NRXN3: variants seen among roughly 807,000 people sequenced by gnomAD.
NRXN3 encodes neurexin 3.
Under a neutral mutation model 137.6 loss-of-function variants are expected in NRXN3, and 32 were observed. That is an observed-to-expected ratio of 0.23 (90% CI 0.18 to 0.31). The LOEUF (loss-of-function observed/expected upper bound fraction) is 0.31. Among genes scored for constraint, NRXN3 ranks in the 10% least tolerant of loss-of-function variants. NRXN3 has a pLI of 1.00. For missense variants in NRXN3, 1,574 were observed against 2,062.5 expected, an observed-to-expected ratio of 0.76 and a Z score of 4.59; for synonymous variants, 798 against 784.5, an observed-to-expected ratio of 1.02 and a Z score of -0.29.
At chr14:78,250,252 A>G (rs2068399886) in intron 2 of NRXN3, 2 of 349,770 alleles carry the variant, frequency 5.7e-6, no homozygotes, top group South Asian at 4.4e-5. Context: ...AATCATAAAA[A>G]ATCGTACATC....
chr14:79,627,890 A>G (rs2098299431), intron 16 of NRXN3, among the ~76,000 whole-genome samples: 1 of 152,216 alleles, frequency 6.6e-6, no homozygotes, highest in South Asian at 2.1e-4. Flanking sequence ...AATTTTCAAT[A>G]CAAATAGTGT....
intron 8 of NRXN3, among the ~76,000 whole-genome samples, chr14:78,775,406 G>A (rs571354471): frequency 2.3e-3 from 352 of 152,310 alleles, no homozygotes; most frequent in Non-Finnish European, 4.1e-3. Flanking sequence ...TGTGGCCCAG[G>A]ATGGCTTTGA....
At chr14:79,597,903 C>A (rs752794093) in intron 16 of NRXN3, among the ~76,000 whole-genome samples, 32 of 152,122 alleles carry the variant, frequency 2.1e-4, no homozygotes, top group Non-Finnish European at 3.7e-4. Flanking sequence ...GCAGATTAAC[C>A]TCAAGGCATA....
rs765009735 is a variant in NRXN3, at chr14:79,866,676, C to A, written c.*4712C>A. On this transcript the variant is annotated 3_prime_UTR_variant, in exon 21 of 21. Transcript: ENST00000335750. ...AGGTCAAGGGCTGCTTTGTCGAGTA[C>A]AAAGGACTCGAGCATATTTGAAATG... is the stretch of plus-strand genomic sequence containing the variant. 1.3e-5 allele frequency: 2 copies of A among 152,106 alleles called. No homozygotes were observed. Among genetic ancestry groups the A allele is most frequent in the African/African-American group, 4.8e-5 (2 of 41,424 alleles). The allele number at this position is 152,106 out of a possible 1,614,324, so 9.4% of individuals were successfully genotyped here.
At chr14:78,607,857 G>C (rs1009016639) in intron 4 of NRXN3, among the ~76,000 whole-genome samples, 5 of 151,918 alleles carry the variant, frequency 3.3e-5, no homozygotes, top group Non-Finnish European at 7.4e-5. Flanking sequence ...GACATTTTTT[G>C]GCCTAGGCTT....
At chr14:78,339,166 G>C (rs539193209) in intron 4 of NRXN3, among the ~76,000 whole-genome samples, 82 of 152,184 alleles carry the variant, frequency 5.4e-4, no homozygotes, top group Non-Finnish European at 9.6e-4. Flanking sequence ...GAAGCTGAAG[G>C]AAAGAGGTAA....
At chr14:79,066,663 C>A (rs1026246611) in intron 15 of NRXN3, among the ~76,000 whole-genome samples, 1 of 151,956 alleles carries the variant, frequency 6.6e-6, no homozygotes, top group Non-Finnish European at 1.5e-5. Flanking sequence ...TGTAATTCTC[C>A]TTAAAGAGTT....
At chr14:78,213,655 A>G (rs2062965645) in intron 1 of NRXN3, among the ~76,000 whole-genome samples, 2 of 152,006 alleles carry the variant, frequency 1.3e-5, no homozygotes, top group African/African-American at 4.8e-5. Flanking sequence ...CCGCAATGTG[A>G]ATGCAGTGAT....
chr14:79,554,939 T>G lies in NRXN3; in HGVS notation c.3444+87537T>G, dbSNP rs546568537. Among the ~76,000 whole-genome samples, 6 of 152,278 alleles carry G rather than the reference T, an allele frequency of 3.9e-5. No individual in the cohort carries two copies. In the East Asian group the frequency reaches 1.2e-3, roughly 29 times the overall value. On this transcript the variant is annotated intron_variant, in intron 16 of 20. Transcript: ENST00000335750. ...AGGGAGTTCATTTGATGTAGTTTGG[T>G]TGATTCCCATGCATGTGGAATAGCT...
chr14:78,553,551 C>T (rs545717275), intron 4 of NRXN3, among the ~76,000 whole-genome samples: 1 of 152,316 alleles, frequency 6.6e-6, no homozygotes, highest in East Asian at 1.9e-4. Flanking sequence ...GAAAAGGCTT[C>T]TATCAGCAAG....
intron 4 of NRXN3, among the ~76,000 whole-genome samples, chr14:78,535,193 A>G (rs1461278492): frequency 6.6e-6 from 1 of 151,436 alleles, no homozygotes; most frequent in Non-Finnish European, 1.5e-5. Flanking sequence ...CTGACAACTG[A>G]GCTGCCCTGC....
chr14:79,252,507 C>T (rs1353741872), intron 15 of NRXN3, among the ~76,000 whole-genome samples: 1 of 146,936 alleles, frequency 6.8e-6, no homozygotes, highest in Admixed American at 6.8e-5. Context: ...GTCCATTTTG[C>T]ATATATGGCT....
At chr14:78,551,039 A>G (rs557794156) in intron 4 of NRXN3, among the ~76,000 whole-genome samples, 1 of 152,304 alleles carries the variant, frequency 6.6e-6, no homozygotes, top group African/African-American at 2.4e-5. Context: ...TCCATATGAT[A>G]AGGGATACAA....
At chr14:79,294,715 G>T (rs930845591) in intron 15 of NRXN3, among the ~76,000 whole-genome samples, 3 of 152,120 alleles carry the variant, frequency 2.0e-5, no homozygotes, top group Non-Finnish European at 2.9e-5. Context: ...CAGCAGAGAG[G>T]AGTGTTTGCA....
intron 20 of NRXN3, among the ~76,000 whole-genome samples, chr14:79,854,966 C>G (rs1325297932): frequency 6.6e-6 from 1 of 152,120 alleles, no homozygotes; most frequent in African/African-American, 2.4e-5. Context: ...GTGTATGGAA[C>G]TAACAACTGG....
intron 15 of NRXN3, among the ~76,000 whole-genome samples, chr14:79,361,842 A>C (rs186604830): frequency 7.9e-5 from 12 of 152,272 alleles, no homozygotes; most frequent in African/African-American, 2.9e-4. Flanking sequence ...TATCAAGAAT[A>C]CAGGAGAATG....
chr14:79,261,518 G>C (rs2077572946), intron 15 of NRXN3, among the ~76,000 whole-genome samples: 1 of 151,764 alleles, frequency 6.6e-6, no homozygotes, highest in African/African-American at 2.4e-5. Flanking sequence ...GATGCTAAGT[G>C]CCTCACATAA....
intron 4 of NRXN3, among the ~76,000 whole-genome samples, chr14:78,388,626 G>T (rs2090327751): frequency 6.6e-6 from 1 of 152,154 alleles, no homozygotes; most frequent in Admixed American, 6.5e-5. Flanking sequence ...CGATGGTAGA[G>T]TTGAGTGATG....
intron 16 of NRXN3, among the ~76,000 whole-genome samples, chr14:79,653,377 C>A (rs568693747): frequency 1.3e-5 from 2 of 152,126 alleles, no homozygotes; most frequent in African/African-American, 4.8e-5. Context: ...GTGATGTGTG[C>A]TATCTTTTAG....
Sources: allele counts gnomAD v4.1 joint callset (sites outside exome capture counted in the v4.1 genomes callset), GRCh38; gene constraint gnomAD v4.1.1; transcripts MANE v1.5; gene names NCBI Gene and HGNC (gene_info 2026-07-23, HGNC 2026-07-21).